The following KLRG1 variants were observed in gnomAD, a reference collection of about 807,000 sequenced individuals.
KLRG1 encodes killer cell lectin-like receptor subfamily G member 1.
A neutral mutation model predicts 21.8 loss-of-function variants in KLRG1; 16 were observed. That is an observed-to-expected ratio of 0.73 (90% CI 0.50 to 1.11). The LOEUF (loss-of-function observed/expected upper bound fraction) is 1.11, where lower values mean the gene tolerates loss of function less well. KLRG1 is among the 50% of genes most tolerant of loss of function. KLRG1 has a pLI of 0.00. For synonymous variants in KLRG1, 69 were observed against 75.9 expected (o/e 0.91, Z 0.47); for missense variants, 173 against 218.3 (o/e 0.79, Z 1.31).
chr12:9,150,864 C>T, the KLRG1 span: 1 of 679,164 alleles, frequency 1.5e-6, no homozygotes, highest in African/African-American at 1.8e-5. Context: ...GGTGACCAGA[C>T]ATTTGTGGAT....
At chr12:9,153,886 A>G in the KLRG1 span, among the ~76,000 whole-genome samples, 1 of 152,254 alleles carries the variant, frequency 6.6e-6, no homozygotes, top group African/African-American at 2.4e-5. Flanking sequence ...TAATACAATC[A>G]TTTATACTCT....
the KLRG1 span, chr12:9,104,529 G>A: frequency 1.9e-5 from 16 of 856,384 alleles, no homozygotes; most frequent in South Asian, 2.0e-5. Flanking sequence ...ACACAGCAGT[G>A]AAAAAAAACG....
intron 1 of KLRG1, chr12:8,970,945 A>G (rs1210704923): frequency 3.3e-5 from 5 of 152,176 alleles, no homozygotes; most frequent in Non-Finnish European, 5.9e-5. Context: ...AACATTGTAC[A>G]TTTCTGGGAT....
the KLRG1 span, chr12:9,161,198 C>A: frequency 8.7e-7 from 1 of 1,148,940 alleles, no homozygotes; most frequent in Non-Finnish European, 1.2e-6. Context: ...GTGAGAGCTT[C>A]AGAGCCACAC....
At chr12:9,111,502 T>C in the KLRG1 span, 2 of 456,424 alleles carry the variant, frequency 4.4e-6, no homozygotes, top group Admixed American at 4.7e-5. Flanking sequence ...GTAGTTCAGA[T>C]GATAAGAAAT....
rs58282446 is a variant in KLRG1 at position 8,956,493 on chromosome 12, G to A, written c.-156+6257G>A. On this transcript the variant is annotated intron_variant, in intron 1 of 4. Coordinates refer to the KLRG1 transcript ENST00000539240. ...AGAGTCTCACTCTATCACCCAGACTGGAGTGCAGTGGTGTGATCTTGGCTC... is the reference window on the plus strand; with the variant it reads ...AGAGTCTCACTCTATCACCCAGACTAGAGTGCAGTGGTGTGATCTTGGCTC... Among the ~76,000 whole-genome samples the A allele has an allele frequency of 4.8e-3, 732 of 152,092 alleles. 6 individuals carry two copies. Among genetic ancestry groups the A allele is most frequent in the African/African-American group, 0.017 (699 of 41,496 alleles).
chr12:8,999,862 C>T (rs2268021), intron 3 of KLRG1, among the ~76,000 whole-genome samples: 43,200 of 151,888 alleles, frequency 0.28, 7,314 homozygotes, highest in East Asian at 0.4. Context: ...TAGTGAAACC[C>T]CATCTATACT....
the KLRG1 span, among the ~76,000 whole-genome samples, chr12:9,068,525 C>T: frequency 6.6e-6 from 1 of 152,148 alleles, no homozygotes; most frequent in Admixed American, 6.5e-5. Flanking sequence ...AAATATCCCA[C>T]AGGTGTTTTG....
the KLRG1 span, among the ~76,000 whole-genome samples, chr12:9,070,945 C>T: frequency 5.9e-5 from 9 of 152,062 alleles, no homozygotes; most frequent in African/African-American, 1.9e-4. Flanking sequence ...CTCAGCCTCC[C>T]GAGTAGCTGG....
the KLRG1 span, among the ~76,000 whole-genome samples, chr12:9,050,751 C>G: frequency 0.013 from 1,955 of 152,294 alleles, 35 homozygotes; most frequent in African/African-American, 0.043. Context: ...GAACCTCCCC[C>G]CTTTCAAGTT....
At chr12:8,999,691 A>G (rs1419185686) in intron 3 of KLRG1, among the ~76,000 whole-genome samples, 3 of 152,190 alleles carry the variant, frequency 2.0e-5, no homozygotes, top group African/African-American at 4.8e-5. Flanking sequence ...GAACTTCAAC[A>G]ACTTTCTTAA....
chr12:9,090,055 A>C, the KLRG1 span: 2 of 1,575,350 alleles, frequency 1.3e-6, no homozygotes, highest in African/African-American at 1.3e-5. Context: ...AATGAATAGC[A>C]TCTTCCCCTT....
the KLRG1 span, among the ~76,000 whole-genome samples, chr12:9,132,013 T>C: frequency 6.6e-6 from 1 of 152,140 alleles, no homozygotes; most frequent in African/African-American, 2.4e-5. Context: ...AAACATTTGC[T>C]TTCTTAAAAA....
chr12:9,063,049 G>A, the KLRG1 span, among the ~76,000 whole-genome samples: 1 of 151,992 alleles, frequency 6.6e-6, no homozygotes, highest in South Asian at 2.1e-4. Flanking sequence ...TACTAAATAA[G>A]ACCTTTTTTT....
At chr12:9,029,740 A>G in the KLRG1 span, among the ~76,000 whole-genome samples, 1 of 151,958 alleles carries the variant, frequency 6.6e-6, no homozygotes, top group Admixed American at 6.6e-5. Flanking sequence ...TTTTTTTCTA[A>G]TAAGTCTGTA....
chr12:9,025,312 A>G, the KLRG1 span, among the ~76,000 whole-genome samples: 1 of 152,192 alleles, frequency 6.6e-6, no homozygotes, highest in East Asian at 1.9e-4. Flanking sequence ...TTGAGGTAAC[A>G]AAATTATGTT....
the KLRG1 span, among the ~76,000 whole-genome samples, chr12:9,029,777 G>C: frequency 2.0e-5 from 3 of 151,498 alleles, no homozygotes; most frequent in South Asian, 6.3e-4. Context: ...TTATTTATTT[G>C]AGACAGTCTC....
the KLRG1 span, chr12:9,202,395 G>T: frequency 5.0e-6 from 8 of 1,613,980 alleles, no homozygotes; most frequent in Admixed American, 1.3e-4. Flanking sequence ...TCTCCGATAA[G>T]ATTCAGACAT....
At chr12:9,015,785 A>G in the KLRG1 span, among the ~76,000 whole-genome samples, 5 of 152,210 alleles carry the variant, frequency 3.3e-5, no homozygotes, top group African/African-American at 9.6e-5. Flanking sequence ...TAAAAGTTCA[A>G]AAAAATTGAA....
Sources: allele counts gnomAD v4.1 joint callset (sites outside exome capture counted in the v4.1 genomes callset), GRCh38; gene constraint gnomAD v4.1.1; transcripts MANE v1.5; gene names NCBI Gene and HGNC (gene_info 2026-07-23, HGNC 2026-07-21).